PLD1: variants seen among roughly 807,000 people sequenced by gnomAD.
PLD1 encodes phospholipase D1, also known as choline phosphatase 1.
PLD1 carries 112 observed loss-of-function variants against 137.1 expected under a neutral mutation model. The ratio of observed to expected loss-of-function variants is 0.82; its 90% confidence interval spans 0.70 to 0.96. The LOEUF (loss-of-function observed/expected upper bound fraction) is 0.96, where lower values mean the gene tolerates loss of function less well. Ranked by LOEUF, PLD1 falls within the 40% of genes least tolerant of loss-of-function variation. The probability of loss-of-function intolerance (pLI) is 0.00; values close to 1 mark genes in which losing one functional copy is unlikely to be tolerated. For synonymous variants in PLD1, 431 were observed against 454.7 expected, an observed-to-expected ratio of 0.95 and a Z score of 0.66; for missense variants, 1,321 against 1,342.0, an observed-to-expected ratio of 0.98 and a Z score of 0.24.
chr3:171,802,738 CA>C, intron 1 of PLD1, among the ~76,000 whole-genome samples: 1 of 152,314 alleles, frequency 6.6e-6, no homozygotes. Context: ...ACCCAGGCTC[CA>C]ATGAATGAGC....
At chr3:171,635,965 C>CTTTTTTTTTTGTTTTTT (rs1735079347) in intron 23 of PLD1, among the ~76,000 whole-genome samples, 1 of 49,252 alleles carries the variant, frequency 2.0e-5, no homozygotes, top group African/African-American at 5.7e-5. Context: ...GGTTCAACTT[C>CTTTTTTTTTTGTTTTTT]TTTTTTTTTT....
chr3:171,735,466 G>A (rs1316595639), intron 4 of PLD1, 26 bp downstream of exon 4: 10 of 1,596,520 alleles, frequency 6.3e-6, no homozygotes, highest in Admixed American at 1.7e-5. Context: ...CTTGTATACT[G>A]GCATAATTAA....
intron 23 of PLD1, among the ~76,000 whole-genome samples, chr3:171,632,661 G>T (rs1485332278): frequency 6.6e-6 from 1 of 152,100 alleles, no homozygotes; most frequent in Non-Finnish European, 1.5e-5. Context: ...AGCAAAGAAA[G>T]TAAAATTATT....
intron 1 of PLD1, among the ~76,000 whole-genome samples, chr3:171,781,489 T>C (rs1722794536): frequency 6.6e-6 from 1 of 152,164 alleles, no homozygotes; most frequent in South Asian, 2.1e-4. Context: ...CAGCCTGGGA[T>C]AAAATATGTG....
intron 19 of PLD1, among the ~76,000 whole-genome samples, chr3:171,669,845 T>TA (rs113930751): frequency 0.013 from 1,922 of 152,362 alleles, 36 homozygotes; most frequent in African/African-American, 0.04. Context: ...TTATGTTTTT[T>TA]AAATGAATGA....
chr3:171,648,106 G>C (rs1017180460), intron 21 of PLD1, among the ~76,000 whole-genome samples: 1 of 152,126 alleles, frequency 6.6e-6, no homozygotes, highest in South Asian at 2.1e-4. Context: ...ACATTCATCT[G>C]TTAATGGACA....
At chr3:171,714,778 T>G (rs1303325316) in intron 8 of PLD1, among the ~76,000 whole-genome samples, 1 of 152,172 alleles carries the variant, frequency 6.6e-6, no homozygotes, top group Non-Finnish European at 1.5e-5. Flanking sequence ...ATAAGTTATC[T>G]CCTTCCTAAT....
intron 1 of PLD1, chr3:171,789,979 G>A (rs1723153516): frequency 6.6e-6 from 1 of 152,208 alleles, no homozygotes; most frequent in Non-Finnish European, 1.5e-5. Flanking sequence ...GGAAAAGAAA[G>A]GAGACAGCAA....
intron 9 of PLD1, among the ~76,000 whole-genome samples, chr3:171,712,651 G>C (rs1717355880): frequency 1.3e-5 from 2 of 152,094 alleles, no homozygotes; most frequent in Admixed American, 6.5e-5. Flanking sequence ...ATCATGGGGG[G>C]GATCTTACAC....
At chr3:171,740,149 C>G (rs1719674475) in intron 1 of PLD1, among the ~76,000 whole-genome samples, 1 of 152,090 alleles carries the variant, frequency 6.6e-6, no homozygotes, top group African/African-American at 2.4e-5. Context: ...ATTCAGCCTC[C>G]CTTATAATTT....
At chr3:171,759,939 G>GCAGAA (rs1435698884) in intron 1 of PLD1, among the ~76,000 whole-genome samples, 1 of 152,122 alleles carries the variant, frequency 6.6e-6, no homozygotes, top group Non-Finnish European at 1.5e-5. Flanking sequence ...TTCCCCAAGG[G>GCAGAA]CAGAAGCTCT....
chr3:171,787,755 T>C (rs899134116), intron 1 of PLD1, among the ~76,000 whole-genome samples: 3 of 152,058 alleles, frequency 2.0e-5, no homozygotes, highest in African/African-American at 7.3e-5. Context: ...GCAAGCATAT[T>C]ATCACTGAAT....
At chr3:171,699,719 T>A in intron 12 of PLD1, 26 bp downstream of exon 12, 1 of 1,524,710 alleles carries the variant, frequency 6.6e-7, no homozygotes, top group Non-Finnish European at 9.1e-7. Flanking sequence ...AAAAATTATA[T>A]CAGCATTTTC....
At chr3:171,713,707 G>C (rs1345006162) in intron 9 of PLD1, among the ~76,000 whole-genome samples, 186 bp downstream of exon 9, 1 of 152,126 alleles carries the variant, frequency 6.6e-6, no homozygotes, top group Non-Finnish European at 1.5e-5. Flanking sequence ...TATTCAGACT[G>C]TTGCACACAG....
In PLD1 at chr3:171,735,019, A is replaced by T. The variant is rs1356661983; in HGVS notation, c.435-49T>A. On this transcript the variant is annotated intron_variant, in intron 4 of 26. Coordinates refer to ENST00000351298, the MANE Select transcript of PLD1 (RefSeq NM_002662.5). Reference sequence around the variant, plus strand: ...CAAACACCTACTAGATTATTCTGTGACTATGACTTTAGTATGTCTTTCATG... The same window carrying T: ...CAAACACCTACTAGATTATTCTGTGTCTATGACTTTAGTATGTCTTTCATG... 3 of 1,030,458 alleles carry T rather than the reference A, an allele frequency of 2.9e-6. No homozygotes were observed. The South Asian group carries it at 4.0e-5, about 14-fold the overall frequency. The allele number at this position is 1,030,458 out of a possible 1,614,324, so 63.8% of individuals were successfully genotyped here.
intron 1 of PLD1, among the ~76,000 whole-genome samples, chr3:171,773,047 A>G (rs770853693): frequency 6.6e-6 from 1 of 152,234 alleles, no homozygotes; most frequent in Admixed American, 6.5e-5. Context: ...TAGATAAACT[A>G]CTGGTGGGGC....
At chr3:171,739,251 G>A (rs931158905) in intron 1 of PLD1, among the ~76,000 whole-genome samples, 1 of 152,154 alleles carries the variant, frequency 6.6e-6, no homozygotes, top group African/African-American at 2.4e-5. Context: ...GTGGCTATAT[G>A]GGAAATGCTA....
rs543409145 is a variant in PLD1, at chr3:171,790,749, G to A, written c.-32+19650C>T. Among the ~76,000 whole-genome samples the A allele has an allele frequency of 5.9e-5, 9 of 152,262 alleles. No individual in the cohort carries two copies. In the East Asian group the frequency reaches 1.7e-3, roughly 29 times the overall value. ...CATCTCAGACAAGGGCCACATCCTG[G>A]AGGTGGCAGATTGGAGAGCTCTAGA... On this transcript the variant is annotated intron_variant, in intron 1 of 26. Coordinates refer to ENST00000351298, the MANE Select transcript of PLD1 (RefSeq NM_002662.5).
chr3:171,805,941 C>T (rs902729672), intron 1 of PLD1, among the ~76,000 whole-genome samples: 3 of 152,130 alleles, frequency 2.0e-5, no homozygotes, highest in Non-Finnish European at 4.4e-5. Context: ...GTTTGGAAGC[C>T]AAGGTAGGAG....
Sources: allele counts gnomAD v4.1 joint callset (sites outside exome capture counted in the v4.1 genomes callset), GRCh38; gene constraint gnomAD v4.1.1; transcripts MANE v1.5; gene names NCBI Gene and HGNC (gene_info 2026-07-23, HGNC 2026-07-21).